YPEL2: variants seen among roughly 807,000 people sequenced by gnomAD.
The protein encoded by YPEL2 is yippee like 2.
A neutral mutation model predicts 19.1 loss-of-function variants in YPEL2; 2 were observed. That is an observed-to-expected ratio of 0.10 (90% CI 0.04 to 0.33). The LOEUF is 0.33. Ranked by LOEUF, YPEL2 falls within the 10% of genes least tolerant of loss-of-function variation. The probability of loss-of-function intolerance (pLI) is 1.00; values close to 1 mark genes in which losing one functional copy is unlikely to be tolerated. For missense variants in YPEL2, 66 were observed against 140.7 expected, an observed-to-expected ratio of 0.47 and a Z score of 2.68; for synonymous variants, 52 against 50.0, an observed-to-expected ratio of 1.04 and a Z score of -0.17.
chr17:59,400,756 G>A lies in YPEL2; in HGVS notation c.*3566G>A, dbSNP rs1475641747. On this transcript the variant is annotated 3_prime_UTR_variant, in exon 5 of 5. Coordinates refer to ENST00000312655, the MANE Select transcript of YPEL2 (RefSeq NM_001005404.4). ...TAGTTGTGCGTGTGCGCGCACACGT[G>A]TGTAAAAAGCACTTTCGATTGTGCC... is the stretch of plus-strand genomic sequence containing the variant. 1 of 152,600 alleles carries A rather than the reference G, an allele frequency of 6.6e-6. No individual in the cohort carries two copies. The highest frequency in any genetic ancestry group is 1.5e-5 in the Non-Finnish European group (1 of 68,022). 9.5% of individuals were successfully genotyped at this position (152,600 alleles called of 1,614,324 possible). A position where few individuals can be genotyped will look rare whatever the true frequency, so the allele number is the denominator to read the frequency against.
At position 59,397,216 on chromosome 17, in the gene YPEL2, G is replaced by A; in HGVS notation, c.*26G>A. 6 of 1,545,170 alleles carry A rather than the reference G, an allele frequency of 3.9e-6. No homozygotes were observed. The highest frequency in any genetic ancestry group is 5.3e-6 in the Non-Finnish European group (6 of 1,137,160). On this transcript the variant is annotated 3_prime_UTR_variant, in exon 5 of 5. Coordinates refer to ENST00000312655, the MANE Select transcript of YPEL2 (RefSeq NM_001005404.4). ...TTGGACAGCATCTACCCAACCCAGT[G>A]TCCACGTGAACGCCATTCAACCGAA...
At chr17:59,386,246 G>A (rs551726510) in intron 2 of YPEL2, among the ~76,000 whole-genome samples, 42 of 151,806 alleles carry the variant, frequency 2.8e-4, no homozygotes, top group Non-Finnish European at 5.3e-4. Flanking sequence ...AGGATCGCTT[G>A]AGCCCAGAAG....
chr17:59,338,470 C>T (rs1042555200), intron 1 of YPEL2, among the ~76,000 whole-genome samples: 1 of 152,220 alleles, frequency 6.6e-6, no homozygotes, highest in Non-Finnish European at 1.5e-5. Flanking sequence ...CGGAACAGAT[C>T]CTGCCCATCA....
intron 2 of YPEL2, among the ~76,000 whole-genome samples, chr17:59,383,283 A>G (rs529827950): frequency 6.6e-6 from 1 of 151,892 alleles, no homozygotes; most frequent in Non-Finnish European, 1.5e-5. Context: ...CTTATAGTCT[A>G]TTTAGTCTTA....
intron 1 of YPEL2, among the ~76,000 whole-genome samples, chr17:59,345,805 T>C (rs1347445451): frequency 6.6e-6 from 1 of 152,190 alleles, no homozygotes; most frequent in African/African-American, 2.4e-5. Context: ...GTATTAGCCA[T>C]GTGCTGGGTG....
intron 1 of YPEL2, among the ~76,000 whole-genome samples, chr17:59,347,550 GA>G (rs2047762662): frequency 6.6e-6 from 1 of 152,208 alleles, no homozygotes; most frequent in African/African-American, 2.4e-5. Context: ...ATTTGAGGGG[GA>G]AAGAGGCCCA....
intron 1 of YPEL2, among the ~76,000 whole-genome samples, chr17:59,336,985 A>G (rs2047701774): frequency 6.6e-6 from 1 of 152,188 alleles, no homozygotes; most frequent in Non-Finnish European, 1.5e-5. Flanking sequence ...AGGCTGGGCC[A>G]TCTGCATGTG....
At chr17:59,391,775 C>CT (rs1384028904) in intron 4 of YPEL2, among the ~76,000 whole-genome samples, 1 of 152,094 alleles carries the variant, frequency 6.6e-6, no homozygotes, top group Non-Finnish European at 1.5e-5. Context: ...TGGCAGATGC[C>CT]TGTAATCCCA....
At chr17:59,343,534 G>A (rs2047741942) in intron 1 of YPEL2, among the ~76,000 whole-genome samples, 1 of 152,174 alleles carries the variant, frequency 6.6e-6, no homozygotes, top group Admixed American at 6.5e-5. Context: ...CTGGAGCTGA[G>A]TATTAAGGGA....
chr17:59,335,875 ACT>A (rs1001337009), intron 1 of YPEL2, among the ~76,000 whole-genome samples: 3 of 151,780 alleles, frequency 2.0e-5, no homozygotes, highest in Admixed American at 1.3e-4. Flanking sequence ...TGCGTGGCTG[ACT>A]CTCACTTGGT....
intron 2 of YPEL2, among the ~76,000 whole-genome samples, chr17:59,368,036 T>G (rs931748909): frequency 2.6e-5 from 4 of 152,108 alleles, no homozygotes; most frequent in Non-Finnish European, 5.9e-5. Flanking sequence ...AATCCTACTG[T>G]ATGAAGCACT....
At chr17:59,371,526 G>A (rs1455167808) in intron 2 of YPEL2, among the ~76,000 whole-genome samples, 1 of 152,204 alleles carries the variant, frequency 6.6e-6, no homozygotes, top group African/African-American at 2.4e-5. Flanking sequence ...GTGAGCTGGA[G>A]AATGCAGGGG....
chr17:59,335,190 A>T (rs1200212976), intron 1 of YPEL2, among the ~76,000 whole-genome samples: 1 of 152,254 alleles, frequency 6.6e-6, no homozygotes, highest in Non-Finnish European at 1.5e-5. Context: ...ATTGTCCTTA[A>T]CAAAAGGTGA....
chr17:59,393,182 G>T (rs754556812), intron 4 of YPEL2, among the ~76,000 whole-genome samples: 114 of 152,124 alleles, frequency 7.5e-4, no homozygotes, highest in Non-Finnish European at 1.4e-3. Context: ...TGGCTGGACT[G>T]CAGTGGTGCA....
chr17:59,341,339 C>CG (rs1219464531), intron 1 of YPEL2, among the ~76,000 whole-genome samples: 1 of 150,304 alleles, frequency 6.7e-6, no homozygotes, highest in African/African-American at 2.5e-5. Context: ...TTGCAATGAG[C>CG]GGAGATCGCA....
chr17:59,353,822 T>C lies in YPEL2; in HGVS notation c.117+296T>C. 2.5e-6 allele frequency: 1 copy of C among 394,286 alleles called. No homozygotes were observed. The highest frequency in any genetic ancestry group is 2.1e-5 in the South Asian group (1 of 48,082). 24.4% of individuals were successfully genotyped at this position (394,286 alleles called of 1,614,324 possible). ...GATTGATGGGAGCCTTGTTCTCAGCTTGCTTGGTTTAGGTTGGCGGACGAA... is the reference window on the plus strand; with the variant it reads ...GATTGATGGGAGCCTTGTTCTCAGCCTGCTTGGTTTAGGTTGGCGGACGAA... On this transcript the variant is annotated intron_variant, in intron 2 of 4. Transcript: ENST00000312655. The surrounding 1 kb of genome is among the most constrained non-coding windows in gnomAD (Gnocchi z 4.8).
At chr17:59,361,864 G>A (rs1240411598) in intron 2 of YPEL2, among the ~76,000 whole-genome samples, 2 of 152,204 alleles carry the variant, frequency 1.3e-5, no homozygotes, top group African/African-American at 4.8e-5. Context: ...GTGCCTGGAA[G>A]CAGAAGCCTC....
At chr17:59,375,383 G>A (rs1000714296) in intron 2 of YPEL2, among the ~76,000 whole-genome samples, 10 of 152,180 alleles carry the variant, frequency 6.6e-5, no homozygotes, top group Non-Finnish European at 1.5e-4. Context: ...TTCTTTGCTA[G>A]TTCTTTGCTA....
intron 1 of YPEL2, among the ~76,000 whole-genome samples, chr17:59,338,725 G>C (rs909540544): frequency 1.3e-5 from 2 of 152,220 alleles, no homozygotes; most frequent in Non-Finnish European, 2.9e-5. Context: ...TTCACAGTAA[G>C]GGTGAAGAGC....
Sources: gnomAD v4.1 joint callset for allele counts (sites outside exome capture counted in the v4.1 genomes callset) on GRCh38, gnomAD v4.1.1 for gene constraint, Gnocchi (gnomAD v3.1) non-coding constraint, MANE v1.5 for transcripts, NCBI Gene and HGNC (gene_info 2026-07-23, HGNC 2026-07-21) for gene names.